IL1RAPL2: variants seen among roughly 807,000 people sequenced by gnomAD.
IL1RAPL2 encodes the protein interleukin 1 receptor accessory protein like 2.
A neutral mutation model predicts 44.1 loss-of-function variants in IL1RAPL2; 3 were observed. The ratio of observed to expected loss-of-function variants is 0.07; its 90% CI spans 0.03 to 0.18. The LOEUF (loss-of-function observed/expected upper bound fraction) is 0.18, where lower values mean the gene tolerates loss of function less well. Ranked by LOEUF, IL1RAPL2 falls within the 10% of genes least tolerant of loss-of-function variation. IL1RAPL2 has a pLI of 1.00. For missense variants in IL1RAPL2, 391 were observed against 496.4 expected (o/e 0.79, Z 2.02); for synonymous variants, 181 against 178.8 (o/e 1.01, Z -0.10).
At chrX:105,725,171 A>G (rs2038340240) in intron 7 of IL1RAPL2, among the ~76,000 whole-genome samples, 1 of 111,772 alleles carries the variant, frequency 8.9e-6, no homozygotes, top group African/African-American at 3.2e-5. Context: ...CTTTGTCCCA[A>G]CAGAGAGTCA....
intron 2 of IL1RAPL2, among the ~76,000 whole-genome samples, chrX:105,154,676 T>A (rs191790414): frequency 8.9e-6 from 1 of 111,893 alleles, no homozygotes; most frequent in Non-Finnish European, 1.9e-5. Flanking sequence ...CTATTGTTCC[T>A]GTGTCTCCTC....
chrX:104,665,361 ATAAT>A (rs914742784), intron 2 of IL1RAPL2, among the ~76,000 whole-genome samples: 5 of 111,019 alleles, frequency 4.5e-5, no homozygotes, highest in Admixed American at 3.9e-4. Context: ...GTAGCAAAAA[ATAAT>A]TATCCATTTA....
intron 3 of IL1RAPL2, chrX:105,219,542 C>G: frequency 1.7e-6 from 2 of 1,208,886 alleles, no homozygotes; most frequent in Non-Finnish European, 2.2e-6. Context: ...ATGGGGGCAG[C>G]CCCAGCCTCC....
chrX:104,577,495 T>C (rs1035092605), intron 1 of IL1RAPL2, among the ~76,000 whole-genome samples: 4 of 111,663 alleles, frequency 3.6e-5, no homozygotes, highest in Non-Finnish European at 7.5e-5. Context: ...AAGGTGAAGA[T>C]ATTAGTACAA....
intron 5 of IL1RAPL2, among the ~76,000 whole-genome samples, chrX:105,372,871 G>C (rs889515937): frequency 8.9e-6 from 1 of 112,240 alleles, no homozygotes; most frequent in Non-Finnish European, 1.9e-5. Context: ...TGGCTGCATA[G>C]TATTCCATGA....
chrX:104,960,690 C>A (rs2029988478), intron 2 of IL1RAPL2, among the ~76,000 whole-genome samples: 2 of 110,813 alleles, frequency 1.8e-5, no homozygotes, highest in African/African-American at 6.6e-5. Flanking sequence ...CATTTTATTT[C>A]TTCTCTTCAC....
At chrX:105,667,423 A>AT (rs1260119619) in intron 6 of IL1RAPL2, among the ~76,000 whole-genome samples, 1 of 112,391 alleles carries the variant, frequency 8.9e-6, no homozygotes, top group Non-Finnish European at 1.9e-5. Context: ...CAGACTCATT[A>AT]TATTGAAACA....
chrX:104,617,987 A>T (rs1602646008), intron 1 of IL1RAPL2, among the ~76,000 whole-genome samples: 1 of 111,516 alleles, frequency 9.0e-6, no homozygotes, highest in East Asian at 2.8e-4. Flanking sequence ...CTAATTTTTT[A>T]ATTATTTTCA....
chrX:105,441,305 T>C (rs1473340710), intron 5 of IL1RAPL2, among the ~76,000 whole-genome samples: 1 of 111,924 alleles, frequency 8.9e-6, no homozygotes, highest in African/African-American at 3.3e-5. Flanking sequence ...TAATAGTTTA[T>C]GCTCTTACTT....
chrX:105,078,382 G>A (rs187764707), intron 2 of IL1RAPL2, among the ~76,000 whole-genome samples: 241 of 111,214 alleles, frequency 2.2e-3, no homozygotes, highest in African/African-American at 6.6e-3. Flanking sequence ...CTGCCTGATC[G>A]TTCTTCTGGA....
chrX:104,852,434 C>T (rs1922251065), intron 2 of IL1RAPL2, among the ~76,000 whole-genome samples: 1 of 111,778 alleles, frequency 8.9e-6, no homozygotes, highest in African/African-American at 3.3e-5. Context: ...TTGGTTTTTG[C>T]AGTCTTTTGT....
At chrX:104,698,608 A>G (rs1018299696) in intron 2 of IL1RAPL2, among the ~76,000 whole-genome samples, 11 of 112,110 alleles carry the variant, frequency 9.8e-5, no homozygotes, top group African/African-American at 2.9e-4. Flanking sequence ...GATCATTTCA[A>G]TCATAATGGT....
At chrX:104,714,206 G>A (rs747400287) in intron 2 of IL1RAPL2, among the ~76,000 whole-genome samples, 16 of 110,968 alleles carry the variant, frequency 1.4e-4, no homozygotes, top group Non-Finnish European at 2.5e-4. Context: ...GTTTTCAAGG[G>A]GAATGCTTCC....
At chrX:104,890,001 C>G (rs1221846481) in intron 2 of IL1RAPL2, among the ~76,000 whole-genome samples, 2 of 110,681 alleles carry the variant, frequency 1.8e-5, no homozygotes, top group African/African-American at 3.3e-5. Flanking sequence ...TTCCTGTGTC[C>G]AAGTGTTCTC....
chrX:105,716,537 G>T (rs1190081285), intron 6 of IL1RAPL2, among the ~76,000 whole-genome samples: 1 of 111,590 alleles, frequency 9.0e-6, no homozygotes, highest in East Asian at 2.8e-4. Context: ...TACTCACACT[G>T]AAGTGGATCT....
At chrX:104,972,131 G>A (rs2030249005) in intron 2 of IL1RAPL2, among the ~76,000 whole-genome samples, 1 of 111,418 alleles carries the variant, frequency 9.0e-6, no homozygotes, top group East Asian at 2.8e-4. Flanking sequence ...TTTTCCAGAA[G>A]CGGGCAGTAC....
intron 1 of IL1RAPL2, among the ~76,000 whole-genome samples, chrX:104,655,375 GC>G (rs1253827486): frequency 2.7e-5 from 3 of 111,542 alleles, no homozygotes; most frequent in Non-Finnish European, 5.6e-5. Flanking sequence ...AGAGTTTTTA[GC>G]ATGAAGGGGT....
chrX:105,473,522 A>C (rs1024900479), intron 5 of IL1RAPL2, among the ~76,000 whole-genome samples: 1 of 112,393 alleles, frequency 8.9e-6, no homozygotes, highest in Non-Finnish European at 1.9e-5. Flanking sequence ...CCCTGTCATG[A>C]AACTTTTGAT....
intron 2 of IL1RAPL2, among the ~76,000 whole-genome samples, chrX:104,893,601 G>A (rs977393559): frequency 9.0e-6 from 1 of 111,235 alleles, no homozygotes; most frequent in Admixed American, 9.5e-5. Flanking sequence ...CAGAGACTAG[G>A]ATTGCAACCC....
Sources: gnomAD v4.1 joint callset for allele counts (sites outside exome capture counted in the v4.1 genomes callset) on GRCh38, gnomAD v4.1.1 for gene constraint, MANE v1.5 for transcripts, NCBI Gene and HGNC (gene_info 2026-07-23, HGNC 2026-07-21) for gene names.